The following AAK1 variants were observed in gnomAD, a reference collection of about 807,000 sequenced individuals.
The protein encoded by AAK1 is AP2 associated kinase 1.
In AAK1, 37 loss-of-function variants were observed where a neutral mutation model predicts 116.0. The ratio of observed to expected loss-of-function variants is 0.32; its 90% CI spans 0.25 to 0.42. The LOEUF is 0.42. Among genes scored for constraint, AAK1 ranks in the 10% least tolerant of loss-of-function variants. The pLI, the probability that AAK1 is intolerant of heterozygous loss-of-function variation, is 1.00. For synonymous variants in AAK1, 458 were observed against 439.9 expected (o/e 1.04, Z -0.51); for missense variants, 919 against 1,170.6 (o/e 0.79, Z 3.14).
intron 2 of AAK1, among the ~76,000 whole-genome samples, chr2:69,640,053 A>ACACACTCTCTCTCTCT (rs1343518565): frequency 6.5e-5 from 6 of 92,742 alleles, no homozygotes; most frequent in African/African-American, 2.9e-4. Flanking sequence ...ACACACACAC[A>ACACACTCTCTCTCTCT]CTCTCTCTCT....
intron 2 of AAK1, among the ~76,000 whole-genome samples, chr2:69,581,315 C>T (rs543990782): frequency 2.0e-5 from 3 of 152,190 alleles, no homozygotes; most frequent in South Asian, 2.1e-4. Context: ...GGTTTCACCA[C>T]GTTGGCTCCT....
At chr2:69,554,125 G>A (rs940941905) in intron 3 of AAK1, among the ~76,000 whole-genome samples, 1 of 151,358 alleles carries the variant, frequency 6.6e-6, no homozygotes, top group Admixed American at 6.6e-5. Context: ...AAATGAGGAA[G>A]TTAGCCAAAA....
rs1191585555 is a variant in AAK1, at chr2:69,624,686, C to A, written c.163+18192G>T. ...TTATACAGTATATGGAACCAGTATT[C>A]ATTTCATTGCTTCAAGTTTCCTAGT... On this transcript the variant is annotated intron_variant, in intron 2 of 21. Transcript: ENST00000409085. 3.3e-5 allele frequency among the ~76,000 whole-genome samples: 5 copies of A among 152,162 alleles called. No individual in the cohort carries two copies. In the East Asian group the frequency reaches 9.6e-4, roughly 29 times the overall value.
intron 5 of AAK1, among the ~76,000 whole-genome samples, chr2:69,541,405 T>C (rs1468649322): frequency 6.6e-6 from 1 of 152,036 alleles, no homozygotes; most frequent in Non-Finnish European, 1.5e-5. Flanking sequence ...TAATTTTTTG[T>C]ATTTTTAGTA....
At chr2:69,492,823 C>T (rs945503863) in intron 17 of AAK1, among the ~76,000 whole-genome samples, 1 of 151,966 alleles carries the variant, frequency 6.6e-6, no homozygotes, top group South Asian at 2.1e-4. Context: ...CACGCCCAGC[C>T]TTTCATGATT....
chr2:69,506,944 A>G (rs1165891906), intron 15 of AAK1, among the ~76,000 whole-genome samples: 1 of 151,254 alleles, frequency 6.6e-6, no homozygotes, highest in African/African-American at 2.4e-5. Flanking sequence ...TATATCTTCT[A>G]TTTATTTAAT....
chr2:69,479,166 T>TATGAGACTCTCTAAA, intron 19 of AAK1, 105 bp from the exon 20 acceptor site: 4 of 810,468 alleles, frequency 4.9e-6, no homozygotes, highest in Non-Finnish European at 4.0e-6. Flanking sequence ...CATTTACACG[T>TATGAGACTCTCTAAA]TACACATAAA....
intron 2 of AAK1, among the ~76,000 whole-genome samples, chr2:69,600,024 C>T (rs1400764631): frequency 6.6e-6 from 1 of 151,540 alleles, no homozygotes; most frequent in Non-Finnish European, 1.5e-5. Flanking sequence ...TCAAGGGATC[C>T]TCCTTCCTTG....
rs749899502 is a variant in AAK1, at chr2:69,532,079, T to C, written c.618A>G (p.Gln206=). 1 of 1,613,656 alleles carries C rather than the reference T, an allele frequency of 6.2e-7. No homozygotes were observed. Among genetic ancestry groups the C allele is most frequent in the Non-Finnish European group, 8.5e-7 (1 of 1,179,610 alleles). Reference sequence around the variant, plus strand: ...CTTCTACTGCATTGACTCCCTCAGTTTGTGGATTCTGGAATTTGTTGGTGG... The same window carrying C: ...CTTCTACTGCATTGACTCCCTCAGTCTGTGGATTCTGGAATTTGTTGGTGG... ...GSATNKFQNP[Q]TEGVNAVEDE... The change falls in exon 6 of 22, where the codon CAA becomes CAG. Residue 206 remains glutamine (Q), a synonymous_variant. Coordinates refer to ENST00000409085, the MANE Select transcript of AAK1 (RefSeq NM_014911.5).
intron 2 of AAK1, among the ~76,000 whole-genome samples, chr2:69,639,481 C>T (rs1039602341): frequency 4.6e-5 from 7 of 152,202 alleles, no homozygotes; most frequent in African/African-American, 1.7e-4. Flanking sequence ...TTCCTCTAAA[C>T]TCATAACTTA....
At chr2:69,487,101 T>C (rs1342595746) in intron 17 of AAK1, among the ~76,000 whole-genome samples, 1 of 152,246 alleles carries the variant, frequency 6.6e-6, no homozygotes, top group Non-Finnish European at 1.5e-5. Flanking sequence ...TTCATTCTTC[T>C]GGTTTAACTA....
chr2:69,510,387 T>C (rs1465148017), intron 13 of AAK1, among the ~76,000 whole-genome samples: 4 of 152,230 alleles, frequency 2.6e-5, no homozygotes, highest in Non-Finnish European at 2.9e-5. Context: ...CCTCCTTCTT[T>C]TTTATGGCTG....
At chr2:69,540,815 G>A (rs1670682180) in intron 5 of AAK1, among the ~76,000 whole-genome samples, 1 of 152,212 alleles carries the variant, frequency 6.6e-6, no homozygotes, top group Non-Finnish European at 1.5e-5. Flanking sequence ...GTTCATAGCA[G>A]TGTTATTATT....
At chr2:69,595,527 C>G (rs1673242187) in intron 2 of AAK1, among the ~76,000 whole-genome samples, 1 of 152,208 alleles carries the variant, frequency 6.6e-6, no homozygotes, top group South Asian at 2.1e-4. Flanking sequence ...TAATCTAGAG[C>G]TAGGCACCAC....
In AAK1 at chr2:69,507,531, T is replaced by C. The variant is rs756992486; in HGVS notation, c.2054A>G (p.Asn685Ser). 3 of 1,612,518 alleles carry C rather than the reference T, an allele frequency of 1.9e-6. No homozygotes were observed. Among genetic ancestry groups the C allele is most frequent in the African/African-American group, 2.7e-5 (2 of 75,000 alleles). Residue 685 changes from asparagine to serine, a missense_variant, in exon 15 of 22, where the codon AAC becomes AGC. This residue lies in a region of AAK1 where 125 missense variants were observed against 184.1 expected (regional missense o/e 0.68). Coordinates refer to ENST00000409085, the MANE Select transcript of AAK1 (RefSeq NM_014911.5). ...AGACCCTTCTGAAGGATTATAAACG[T>C]TTTGTTGAGAGGTCCGAGGAGAGCC... is the stretch of plus-strand genomic sequence containing the variant. Reference protein sequence around the residue: ...PSGSPRTSQQNVYNPSEGSTW... With the variant: ...PSGSPRTSQQSVYNPSEGSTW...
intron 2 of AAK1, among the ~76,000 whole-genome samples, chr2:69,560,182 TG>T (rs1325741822): frequency 6.6e-6 from 1 of 152,246 alleles, no homozygotes; most frequent in African/African-American, 2.4e-5. Context: ...CTAAAGATGT[TG>T]GTCACTATCA....
At chr2:69,634,730 C>A in intron 2 of AAK1, among the ~76,000 whole-genome samples, 1 of 152,214 alleles carries the variant, frequency 6.6e-6, no homozygotes, top group East Asian at 1.9e-4. Context: ...TGAAGACAGA[C>A]TATTCTTAAC....
rs1572871750 is a variant in AAK1 at position 69,471,352 on chromosome 2, T to C, written c.*4517A>G. On this transcript the variant is annotated 3_prime_UTR_variant, in exon 22 of 22. Transcript: ENST00000409085. ...CTTGTTATAGATTTCCTAGCACTCATTCTGATTTAAGAAATCTAAGCACAT... is the reference window on the plus strand; with the variant it reads ...CTTGTTATAGATTTCCTAGCACTCACTCTGATTTAAGAAATCTAAGCACAT... 1.0e-6 allele frequency: 1 copy of C among 985,460 alleles called. No individual in the cohort carries two copies. The highest frequency in any genetic ancestry group is 1.2e-6 in the Non-Finnish European group (1 of 829,940). 61.0% of individuals were successfully genotyped at this position (985,460 alleles called of 1,614,324 possible).
chr2:69,472,755 T>G lies in AAK1; in HGVS notation c.*3114A>C. Reference sequence around the variant, plus strand: ...AACATATGCTTATAGTATTTGCCCGTTTTAAACTGGTAGATGCCTGATTAT... The same window carrying G: ...AACATATGCTTATAGTATTTGCCCGGTTTAAACTGGTAGATGCCTGATTAT... On this transcript the variant is annotated 3_prime_UTR_variant, in exon 22 of 22. Coordinates refer to ENST00000409085, the MANE Select transcript of AAK1 (RefSeq NM_014911.5). 1.0e-6 allele frequency: 1 copy of G among 985,416 alleles called. No homozygotes were observed. Among genetic ancestry groups the G allele is most frequent in the Non-Finnish European group, 1.2e-6 (1 of 829,910 alleles). The allele number at this position is 985,416 out of a possible 1,614,324, so 61.0% of individuals were successfully genotyped here.
Sources: gnomAD v4.1 joint callset for allele counts (sites outside exome capture counted in the v4.1 genomes callset) on GRCh38, gnomAD v4.1.1 for gene constraint, gnomAD v4.1.1 regional missense constraint, MANE v1.5 for transcripts, NCBI Gene and HGNC (gene_info 2026-07-23, HGNC 2026-07-21) for gene names.